Variants in HEATR4 observed in about 807,000 individuals in gnomAD.
HEATR4 encodes HEAT repeat containing 4, also known as HEAT repeat-containing protein 4.
HEATR4 carries 95 observed loss-of-function variants against 108.8 expected under a neutral mutation model. The observed-to-expected ratio is 0.87, with a 90% CI of 0.74 to 1.04. HEATR4 has a LOEUF of 1.04. HEATR4 is among the 50% of genes least tolerant of loss of function. HEATR4 has a pLI of 0.00. For missense variants in HEATR4, 1,152 were observed against 1,253.8 expected (o/e 0.92, Z 1.23); for synonymous variants, 443 against 459.4 (o/e 0.96, Z 0.46).
At chr14:73,584,814 CCT>C in the HEATR4 span, among the ~76,000 whole-genome samples, 2 of 149,882 alleles carry the variant, frequency 1.3e-5, no homozygotes, top group East Asian at 1.9e-4. Flanking sequence ...CCCACAATCC[CCT>C]GTGCCGACAC....
At chr14:73,582,725 AG>A in the HEATR4 span, 1 of 152,040 alleles carries the variant, frequency 6.6e-6, no homozygotes, top group Non-Finnish European at 1.5e-5. Context: ...CATGCTTACT[AG>A]CAACACCTCT....
At chr14:73,611,174 T>C in the HEATR4 span, 1 of 152,218 alleles carries the variant, frequency 6.6e-6, no homozygotes, top group Non-Finnish European at 1.5e-5. Context: ...TTTGTTCAGT[T>C]TATACATGTT....
chr14:73,504,048 G>A (rs1886651487), intron 10 of HEATR4, among the ~76,000 whole-genome samples: 1 of 151,768 alleles, frequency 6.6e-6, no homozygotes, highest in Non-Finnish European at 1.5e-5. Context: ...TTCTGATTGA[G>A]CTGGCTTAAG....
the HEATR4 span, among the ~76,000 whole-genome samples, chr14:73,628,524 C>CG: frequency 6.6e-6 from 1 of 152,026 alleles, no homozygotes; most frequent in Non-Finnish European, 1.5e-5. Context: ...GAGGCCGAGG[C>CG]GGGCGGATCA....
chr14:73,591,857 G>A, the HEATR4 span: 16 of 1,178,756 alleles, frequency 1.4e-5, no homozygotes, highest in East Asian at 3.2e-5. Context: ...GGCAGCTTCC[G>A]GCACCAGGGG....
At chr14:73,518,461 C>T (rs1887765861) in intron 5 of HEATR4, among the ~76,000 whole-genome samples, 1 of 151,916 alleles carries the variant, frequency 6.6e-6, no homozygotes, top group South Asian at 2.1e-4. Flanking sequence ...TTTCTGCACA[C>T]CACTGGGCCC....
At chr14:73,572,406 T>C in the HEATR4 span, among the ~76,000 whole-genome samples, 505 of 146,896 alleles carry the variant, frequency 3.4e-3, 5 homozygotes, top group Non-Finnish European at 6.5e-3. Context: ...AGTCAAACCC[T>C]AGGAGAACAC....
At chr14:73,500,811 T>G in intron 11 of HEATR4, 81 bp from the exon 12 acceptor site, 1 of 1,362,858 alleles carries the variant, frequency 7.3e-7, no homozygotes, top group Non-Finnish European at 1.0e-6. Context: ...GCCCTCATGA[T>G]AAAATCCGGG....
chr14:73,617,145 C>A, the HEATR4 span: 1 of 1,614,022 alleles, frequency 6.2e-7, no homozygotes, highest in Non-Finnish European at 8.5e-7. Context: ...TGATGTACAT[C>A]TGGAGTACTT....
chr14:73,570,108 CA>C, the HEATR4 span, among the ~76,000 whole-genome samples: 2 of 127,152 alleles, frequency 1.6e-5, no homozygotes, highest in African/African-American at 5.7e-5. Context: ...AGGGGAGTTA[CA>C]CTTTTTTTTT....
intron 5 of HEATR4, chr14:73,517,367 A>G (rs1887669179): frequency 6.6e-6 from 1 of 152,208 alleles, no homozygotes; most frequent in South Asian, 2.1e-4. Flanking sequence ...TTCAAGCTCA[A>G]TAAAGCTGTT....
At chr14:73,633,616 G>C in the HEATR4 span, 1 of 152,212 alleles carries the variant, frequency 6.6e-6, no homozygotes, top group African/African-American at 2.4e-5. Flanking sequence ...TTGACCCCTG[G>C]TGGCCAGTGA....
the HEATR4 span, chr14:73,596,638 GC>G: frequency 6.6e-6 from 1 of 152,062 alleles, no homozygotes; most frequent in Non-Finnish European, 1.5e-5. Flanking sequence ...TCACTCTGTT[GC>G]CCAGGCTGGA....
At chr14:73,494,501 G>T (rs575654646) in intron 16 of HEATR4, among the ~76,000 whole-genome samples, 3 of 152,150 alleles carry the variant, frequency 2.0e-5, no homozygotes, top group Non-Finnish European at 4.4e-5. Flanking sequence ...AAGTAAAAAT[G>T]ATAGTTCTCC....
the HEATR4 span, among the ~76,000 whole-genome samples, chr14:73,616,526 C>G: frequency 6.6e-6 from 1 of 151,844 alleles, no homozygotes; most frequent in Non-Finnish European, 1.5e-5. Context: ...AACCCAGTCT[C>G]TACTAAAAAT....
At chr14:73,511,545 AAATAAATAAATAAAT>A (rs1357943640) in intron 7 of HEATR4, among the ~76,000 whole-genome samples, 4 of 129,598 alleles carry the variant, frequency 3.1e-5, no homozygotes, top group Non-Finnish European at 5.1e-5. Context: ...ATAAATAAAT[AAATAAATAAATAAAT>A]AAATAAAATA....
chr14:73,558,554 C>T (rs530773113), intron 1 of HEATR4, among the ~76,000 whole-genome samples, 197 bp downstream of exon 1: 2 of 136,908 alleles, frequency 1.5e-5, no homozygotes, highest in Non-Finnish European at 3.1e-5. Context: ...TAGAGTCTCA[C>T]TATGTTGCTC....
intron 11 of HEATR4, among the ~76,000 whole-genome samples, chr14:73,501,396 A>G (rs1002013710): frequency 1.2e-4 from 18 of 151,610 alleles, no homozygotes; most frequent in South Asian, 2.1e-4. Context: ...AAGTGCTGGG[A>G]TTACAGGCAT....
chr14:73,563,280 A>G (rs576678155), upstream of HEATR4, among the ~76,000 whole-genome samples: 222 of 152,166 alleles, frequency 1.5e-3, no homozygotes, highest in African/African-American at 5.1e-3. Context: ...TAATGGGTAA[A>G]GACTTTCATT....
Sources: gnomAD v4.1 joint callset for allele counts (sites outside exome capture counted in the v4.1 genomes callset) on GRCh38, gnomAD v4.1.1 for gene constraint, MANE v1.5 for transcripts, NCBI Gene and HGNC (gene_info 2026-07-23, HGNC 2026-07-21) for gene names.